DHX57: variants seen among roughly 807,000 people sequenced by gnomAD.
DHX57 encodes the protein putative ATP-dependent RNA helicase DHX57.
A neutral mutation model predicts 156.2 loss-of-function variants in DHX57; 105 were observed. That is an observed-to-expected ratio of 0.67 (90% CI 0.57 to 0.79). DHX57 has a LOEUF of 0.79. Ranked by LOEUF, DHX57 falls within the 30% of genes least tolerant of loss-of-function variation. The pLI is 0.00. For missense variants in DHX57, 1,847 were observed against 1,661.9 expected (o/e 1.11, Z -1.94); for synonymous variants, 704 against 595.6 (o/e 1.18, Z -2.65).
At chr2:38,818,512 A>C (rs2148552447) in intron 19 of DHX57, among the ~76,000 whole-genome samples, 1 of 152,320 alleles carries the variant, frequency 6.6e-6, no homozygotes, top group South Asian at 2.1e-4. Flanking sequence ...TGGGAGACAG[A>C]ATGAGACTCT....
chr2:38,842,071 G>A (rs1174565549), intron 12 of DHX57, among the ~76,000 whole-genome samples: 1 of 152,162 alleles, frequency 6.6e-6, no homozygotes, highest in Non-Finnish European at 1.5e-5. Flanking sequence ...AAGTGAACAA[G>A]TTAACATTGC....
chr2:38,810,386 G>T, intron 21 of DHX57: 2 of 496,740 alleles, frequency 4.0e-6, no homozygotes, highest in South Asian at 1.5e-5. Context: ...GCCTGTACTT[G>T]GGGAATCTGC....
chr2:38,810,952 G>A (rs1007985096), intron 21 of DHX57: 4 of 849,224 alleles, frequency 4.7e-6, no homozygotes, highest in East Asian at 2.7e-5. Flanking sequence ...CTGGTGGGTG[G>A]TGCCATCCTT....
Position 38,854,147 on chromosome 2 carries a change from G to A in DHX57, c.1937C>T (p.Thr646Met), listed in dbSNP as rs774830705. The A allele has an allele frequency of 1.1e-5, 17 of 1,613,706 alleles. No homozygotes were observed. Among genetic ancestry groups the A allele is most frequent in the Middle Eastern group, 1.6e-4 (1 of 6,084 alleles). The change falls in exon 9 of 24, where the codon ACG (threonine) becomes ATG (methionine). Residue 646 changes from threonine (T) to methionine (M), a missense_variant. By Grantham distance (81) the Thr-to-Met change is moderately conservative (BLOSUM62 -1). Transcript: ENST00000457308. ...SSATRLLYCT[T>M]GVLLRRLEGD... The stretch of plus-strand genomic sequence containing the variant: ...TTCTAGCCTTCTCAGCAGCACTCCC[G>A]TGGTGCAGTATAACAGTCTGGTGGC...
At chr2:38,860,952 C>T (rs746115249) in intron 5 of DHX57, 47 bp downstream of exon 5, 4 of 1,532,836 alleles carry the variant, frequency 2.6e-6, no homozygotes, top group African/African-American at 1.4e-5. Context: ...GACTTCTAAA[C>T]CCATCATTCT....
chr2:38,842,313 A>G (rs1427546087), intron 12 of DHX57, among the ~76,000 whole-genome samples: 2 of 152,268 alleles, frequency 1.3e-5, no homozygotes, highest in East Asian at 3.8e-4. Flanking sequence ...GACTAAGAAT[A>G]CATGACTGAA....
At chr2:38,838,205 C>T (rs1198805543) in intron 12 of DHX57, among the ~76,000 whole-genome samples, 1 of 152,148 alleles carries the variant, frequency 6.6e-6, no homozygotes, top group African/African-American at 2.4e-5. Context: ...CTCAAGTGAT[C>T]CTCCGATCTC....
intron 21 of DHX57, among the ~76,000 whole-genome samples, chr2:38,809,099 T>G (rs2148536838): frequency 6.6e-6 from 1 of 152,230 alleles, no homozygotes; most frequent in Non-Finnish European, 1.5e-5. Context: ...TCTGGCAGTA[T>G]TATAATTTTT....
At chr2:38,835,524 G>T (rs183387960) in intron 13 of DHX57, among the ~76,000 whole-genome samples, 1 of 152,140 alleles carries the variant, frequency 6.6e-6, no homozygotes, top group East Asian at 1.9e-4. Context: ...TGGCCACCCA[G>T]AACCCCATGA....
At chr2:38,850,002 C>T (rs1435356082) in intron 9 of DHX57, among the ~76,000 whole-genome samples, 1 of 152,114 alleles carries the variant, frequency 6.6e-6, no homozygotes, top group African/African-American at 2.4e-5. Context: ...TGAGCTCTCC[C>T]ACTAGAATAG....
In DHX57 at chr2:38,798,267, G is replaced by C; in HGVS notation, c.*32C>G. The C allele has an allele frequency of 6.3e-7, 1 of 1,594,880 alleles. No individual in the cohort carries two copies. The highest frequency in any genetic ancestry group is 8.5e-7 in the Non-Finnish European group (1 of 1,171,964). Reference sequence around the variant, plus strand: ...TTATTTCCCAGGTGAGCTAGAAGCAGGTGAGTAGCAAGCACTCTCTAAGAC... The same window carrying C: ...TTATTTCCCAGGTGAGCTAGAAGCACGTGAGTAGCAAGCACTCTCTAAGAC... On this transcript the variant is annotated 3_prime_UTR_variant, in exon 24 of 24. Coordinates refer to ENST00000457308, the MANE Select transcript of DHX57 (RefSeq NM_198963.3).
At chr2:38,811,154 G>A in intron 21 of DHX57, 2 of 520,240 alleles carry the variant, frequency 3.8e-6, no homozygotes, top group South Asian at 1.8e-5. Flanking sequence ...GTGCTTCAGA[G>A]TGACTGGGAT....
Position 38,815,644 on chromosome 2 carries a change from G to T in DHX57, c.3483C>A (p.Ser1161Arg). The change falls in exon 20 of 24, where the codon AGC becomes AGA. Residue 1161 changes from serine to arginine, a missense_variant. By Grantham distance (110) the Ser-to-Arg change is moderately radical. Transcript: ENST00000457308. Reference sequence around the variant, plus strand: ...ACAGTTCCGTGAATTGTCGTTTGAGGCTGGCCATTTCCTGAAAGAAGTGGA... The same window carrying T: ...ACAGTTCCGTGAATTGTCGTTTGAGTCTGGCCATTTCCTGAAAGAAGTGGA... ...LSGRVLQEMASLKRQFTELLS... is the reference protein window; with the variant it reads ...LSGRVLQEMARLKRQFTELLS... 6.2e-6 allele frequency: 10 copies of T among 1,614,052 alleles called. No individual in the cohort carries two copies. Among genetic ancestry groups the T allele is most frequent in the Non-Finnish European group, 8.5e-6 (10 of 1,180,016 alleles).
chr2:38,839,753 G>T (rs1323968205), intron 12 of DHX57, among the ~76,000 whole-genome samples: 1 of 151,392 alleles, frequency 6.6e-6, no homozygotes, highest in African/African-American at 2.4e-5. Flanking sequence ...AAACAATGTT[G>T]TTCTGGTAGA....
At chr2:38,836,498 G>T (rs561777031) in intron 13 of DHX57, among the ~76,000 whole-genome samples, 1 of 152,166 alleles carries the variant, frequency 6.6e-6, no homozygotes, top group South Asian at 2.1e-4. Context: ...TGTACACCAG[G>T]TGCAGTGGCT....
chr2:38,821,214 T>C (rs1670796930), intron 17 of DHX57, among the ~76,000 whole-genome samples: 1 of 152,010 alleles, frequency 6.6e-6, no homozygotes, highest in Admixed American at 6.6e-5. Context: ...GCAGCTAAAA[T>C]AGTCCTTAGA....
chr2:38,837,731 C>T, intron 13 of DHX57, 100 bp downstream of exon 13: 1 of 735,452 alleles, frequency 1.4e-6, no homozygotes, highest in Non-Finnish European at 2.4e-6. Flanking sequence ...AGCCTGTGTG[C>T]AGAGTCTGCA....
At chr2:38,851,663 C>T (rs953342721) in intron 9 of DHX57, among the ~76,000 whole-genome samples, 30 of 152,086 alleles carry the variant, frequency 2.0e-4, no homozygotes, top group Non-Finnish European at 3.2e-4. Flanking sequence ...AGCCAGGAAC[C>T]AAATCCAGTG....
intron 21 of DHX57, chr2:38,811,505 CT>C: frequency 1.1e-6 from 1 of 874,382 alleles, no homozygotes; most frequent in Non-Finnish European, 1.9e-6. Context: ...GGTTCAGTGC[CT>C]TCTTCCTGGC....
Sources: gnomAD v4.1 joint callset for allele counts (sites outside exome capture counted in the v4.1 genomes callset) on GRCh38, gnomAD v4.1.1 for gene constraint, MANE v1.5 for transcripts, NCBI Gene and HGNC (gene_info 2026-07-23, HGNC 2026-07-21) for gene names.